The following ST18 variants were observed in gnomAD, a reference collection of about 807,000 sequenced individuals.
ST18 encodes suppression of tumorigenicity 18 protein.
ST18 carries 50 observed loss-of-function variants against 110.0 expected under a neutral mutation model. The ratio of observed to expected loss-of-function variants is 0.45; its 90% CI spans 0.36 to 0.58. The LOEUF (loss-of-function observed/expected upper bound fraction) is 0.58. Ranked by LOEUF, ST18 falls within the 20% of genes least tolerant of loss-of-function variation. The pLI is 0.00. For synonymous variants in ST18, 461 were observed against 452.4 expected (o/e 1.02, Z -0.24); for missense variants, 1,306 against 1,280.1 (o/e 1.02, Z -0.31).
rs143644719 is a variant in ST18 at position 52,146,685 on chromosome 8, G to A, written c.2052+3047C>T. Among the ~76,000 whole-genome samples the A allele has an allele frequency of 3.2e-3, 485 of 152,050 alleles. 1 individual carries two copies. The highest frequency in any genetic ancestry group is 0.011 in the African/African-American group (451 of 41,448). On this transcript the variant is annotated intron_variant, in intron 16 of 25. Transcript: ENST00000689386. ...TCCCTCTGATAGCTTGTCAATGAGC[G>A]CATTTAATACAATCTAATTTTTCAA...
intron 8 of ST18, among the ~76,000 whole-genome samples, chr8:52,184,155 C>G (rs556058723): frequency 6.6e-6 from 1 of 152,302 alleles, no homozygotes; most frequent in African/African-American, 2.4e-5. Context: ...ATCATTTCCA[C>G]TGGGTTGTGT....
chr8:52,326,924 A>G (rs1475192547), intron 2 of ST18, among the ~76,000 whole-genome samples: 1 of 152,178 alleles, frequency 6.6e-6, no homozygotes, highest in Non-Finnish European at 1.5e-5. Context: ...CCACTAGCCC[A>G]GGCCAACTCC....
chr8:52,261,135 C>T (rs773761511), intron 2 of ST18, among the ~76,000 whole-genome samples: 13 of 152,122 alleles, frequency 8.5e-5, no homozygotes, highest in African/African-American at 2.2e-4. Context: ...CTGACACTGA[C>T]GGCTAAAGAG....
At chr8:52,311,646 C>T (rs563663355) in intron 2 of ST18, among the ~76,000 whole-genome samples, 30 of 152,320 alleles carry the variant, frequency 2.0e-4, no homozygotes, top group Middle Eastern at 3.4e-3. Flanking sequence ...GAAGGGAAAG[C>T]AAGCATGTCT....
intron 2 of ST18, among the ~76,000 whole-genome samples, chr8:52,232,198 AATGTTCTGGCCCCTCATTGAAGTAC>A: frequency 6.6e-6 from 1 of 152,316 alleles, no homozygotes; most frequent in East Asian, 1.9e-4. Context: ...ATAAAAAGTG[AATGTTCTGGCCCCTCATTGAAGTAC>A]ATTCTCAGAA....
intron 2 of ST18, among the ~76,000 whole-genome samples, chr8:52,277,490 C>A (rs150486928): frequency 6.6e-5 from 10 of 152,142 alleles, no homozygotes; most frequent in Middle Eastern, 3.2e-3. Context: ...AAGAATGTAC[C>A]ATATCATGGT....
chr8:52,245,772 A>G (rs745903310), intron 2 of ST18, among the ~76,000 whole-genome samples: 32 of 152,252 alleles, frequency 2.1e-4, no homozygotes, highest in Non-Finnish European at 3.5e-4. Flanking sequence ...AGTTAGTTGC[A>G]CTGTATAAAT....
intron 2 of ST18, among the ~76,000 whole-genome samples, chr8:52,380,369 G>A (rs1436223605): frequency 6.6e-6 from 1 of 151,786 alleles, no homozygotes; most frequent in Non-Finnish European, 1.5e-5. Context: ...TGTGTTAATC[G>A]ATTGTTTATG....
chr8:52,368,339 T>A (rs1165361869), intron 2 of ST18, among the ~76,000 whole-genome samples: 1 of 152,208 alleles, frequency 6.6e-6, no homozygotes, highest in African/African-American at 2.4e-5. Context: ...AAATGGAGAA[T>A]TTGTGAATAA....
intron 9 of ST18, among the ~76,000 whole-genome samples, chr8:52,177,088 C>T (rs1309430082): frequency 6.6e-6 from 1 of 152,172 alleles, no homozygotes; most frequent in Admixed American, 6.5e-5. Flanking sequence ...TGCTGGGGAC[C>T]CCACACCTGG....
chr8:52,276,674 C>T (rs1383858130), intron 2 of ST18, among the ~76,000 whole-genome samples: 1 of 152,022 alleles, frequency 6.6e-6, no homozygotes, highest in Non-Finnish European at 1.5e-5. Flanking sequence ...AAACCAAGTC[C>T]ATGCCTTTAA....
Position 52,114,956 on chromosome 8 carries a change from T to C in ST18, c.3003+1319A>G, listed in dbSNP as rs187542615. Reference sequence around the variant, plus strand: ...TTTATGGCAGTGGTGAAGAAGAAAATACTAAGGAATGCATATTCAAAGTAT... The same window carrying C: ...TTTATGGCAGTGGTGAAGAAGAAAACACTAAGGAATGCATATTCAAAGTAT... On this transcript the variant is annotated intron_variant, in intron 25 of 25. Transcript: ENST00000689386. Among the ~76,000 whole-genome samples the C allele has an allele frequency of 6.4e-4, 97 of 152,308 alleles. 1 individual carries two copies. Among genetic ancestry groups the C allele is most frequent in the African/African-American group, 2.3e-3 (94 of 41,572 alleles).
chr8:52,163,511 T>G (rs2061987757), intron 13 of ST18, among the ~76,000 whole-genome samples: 1 of 152,166 alleles, frequency 6.6e-6, no homozygotes, highest in Non-Finnish European at 1.5e-5. Context: ...TATTAATAGC[T>G]GTCAATCATG....
At chr8:52,147,877 T>G (rs2057761750) in intron 16 of ST18, among the ~76,000 whole-genome samples, 1 of 152,134 alleles carries the variant, frequency 6.6e-6, no homozygotes, top group Non-Finnish European at 1.5e-5. Flanking sequence ...CAAAGCTAAC[T>G]CGTATGTAGT....
At chr8:52,130,157 A>AAGAAAGAG (rs2048949998) in intron 22 of ST18, among the ~76,000 whole-genome samples, 1 of 149,584 alleles carries the variant, frequency 6.7e-6, no homozygotes, top group African/African-American at 2.5e-5. Flanking sequence ...GAAAGAAAGA[A>AAGAAAGAG]AGAAAGAAAA....
intron 2 of ST18, among the ~76,000 whole-genome samples, chr8:52,241,977 A>C (rs2093447375): frequency 6.6e-6 from 1 of 152,130 alleles, no homozygotes; most frequent in Non-Finnish European, 1.5e-5. Flanking sequence ...CAATATGTTA[A>C]AGTTTCTCTG....
chr8:52,337,380 C>T (rs772531621), intron 2 of ST18, among the ~76,000 whole-genome samples: 3 of 152,200 alleles, frequency 2.0e-5, no homozygotes, highest in Admixed American at 1.3e-4. Flanking sequence ...TATTATTATG[C>T]CTGTCTACTA....
intron 22 of ST18, among the ~76,000 whole-genome samples, chr8:52,128,216 G>A (rs944373361): frequency 2.6e-5 from 4 of 152,156 alleles, no homozygotes; most frequent in Admixed American, 6.5e-5. Context: ...TGATCTGCCC[G>A]CCTTGGCCTC....
At chr8:52,196,384 C>T (rs2135223721) in intron 8 of ST18, among the ~76,000 whole-genome samples, 1 of 152,316 alleles carries the variant, frequency 6.6e-6, no homozygotes, top group South Asian at 2.1e-4. Context: ...GCAGAAGCTT[C>T]ATTCACCCCA....
Sources: gnomAD v4.1 joint callset for allele counts (sites outside exome capture counted in the v4.1 genomes callset) on GRCh38, gnomAD v4.1.1 for gene constraint, MANE v1.5 for transcripts, NCBI Gene and HGNC (gene_info 2026-07-23, HGNC 2026-07-21) for gene names.